Variants in CCDC178 observed in about 807,000 individuals in gnomAD.
CCDC178 encodes the protein coiled-coil domain-containing protein 178.
Under a neutral mutation model 117.4 loss-of-function variants are expected in CCDC178, and 126 were observed. The ratio of observed to expected loss-of-function variants is 1.07; its 90% CI spans 0.93 to 1.24. The LOEUF is 1.24. CCDC178 is among the 50% of genes most tolerant of loss of function. CCDC178 has a pLI of 0.00. For synonymous variants in CCDC178, 283 were observed against 313.4 expected (o/e 0.90, Z 1.02); for missense variants, 1,030 against 986.9 (o/e 1.04, Z -0.59).
intron 2 of CCDC178, among the ~76,000 whole-genome samples, chr18:33,437,170 TAA>T (rs1380174047): frequency 6.6e-6 from 1 of 152,204 alleles, no homozygotes; most frequent in East Asian, 1.9e-4. Flanking sequence ...GTCGCAAGTG[TAA>T]TTTTTAGACT....
intron 20 of CCDC178, among the ~76,000 whole-genome samples, chr18:33,164,514 G>A (rs1256133778): frequency 6.6e-6 from 1 of 151,462 alleles, no homozygotes; most frequent in Non-Finnish European, 1.5e-5. Flanking sequence ...AATGAAAACT[G>A]AGAAATTAGA....
At chr18:33,048,203 C>T (rs1376550836) in intron 21 of CCDC178, among the ~76,000 whole-genome samples, 1 of 152,152 alleles carries the variant, frequency 6.6e-6, no homozygotes, top group Non-Finnish European at 1.5e-5. Flanking sequence ...AGCATGCCCC[C>T]ACTACACCTA....
At chr18:33,353,078 T>G (rs1384467673) in intron 7 of CCDC178, among the ~76,000 whole-genome samples, 3 of 152,116 alleles carry the variant, frequency 2.0e-5, no homozygotes, top group African/African-American at 7.2e-5. Flanking sequence ...ATGTCTGTTT[T>G]GAGGTTATAT....
chr18:33,347,151 A>G (rs72948890), intron 8 of CCDC178, among the ~76,000 whole-genome samples: 3,533 of 152,288 alleles, frequency 0.023, 54 homozygotes, highest in Admixed American at 0.036. Context: ...TCCTTGTAGG[A>G]CTGATGCCTA....
At chr18:33,033,972 A>C (rs894587594) in intron 21 of CCDC178, among the ~76,000 whole-genome samples, 1 of 151,846 alleles carries the variant, frequency 6.6e-6, no homozygotes, top group Non-Finnish European at 1.5e-5. Flanking sequence ...CATGTATACA[A>C]AGACTAGAAA....
At chr18:33,156,641 CAA>C (rs35712594) in intron 20 of CCDC178, among the ~76,000 whole-genome samples, 350 of 99,234 alleles carry the variant, frequency 3.5e-3, no homozygotes, top group African/African-American at 4.3e-3. Flanking sequence ...TCCTCCCTCT[CAA>C]AAAAAAAAAA....
intron 15 of CCDC178, among the ~76,000 whole-genome samples, chr18:33,234,054 T>C (rs980390813): frequency 5.3e-5 from 8 of 152,160 alleles, no homozygotes; most frequent in Non-Finnish European, 1.0e-4. Flanking sequence ...TATAGCAAGC[T>C]AAATAAAGTT....
chr18:33,077,518 T>C (rs1017775686), intron 21 of CCDC178, among the ~76,000 whole-genome samples: 1 of 151,856 alleles, frequency 6.6e-6, no homozygotes, highest in Non-Finnish European at 1.5e-5. Context: ...AATAATAATA[T>C]AGATAGGCCA....
chr18:32,998,197 G>A (rs763918799), intron 21 of CCDC178, among the ~76,000 whole-genome samples: 32 of 152,180 alleles, frequency 2.1e-4, no homozygotes, highest in Admixed American at 1.4e-3. Context: ...GGGACTTTGC[G>A]TTGGAAGTCA....
chr18:33,353,718 A>T (rs964933896), intron 7 of CCDC178, among the ~76,000 whole-genome samples: 2 of 152,096 alleles, frequency 1.3e-5, no homozygotes, highest in African/African-American at 2.4e-5. Context: ...TGTCAATTTC[A>T]CAAATTACAT....
At chr18:32,940,320 C>T (rs564538351) in intron 22 of CCDC178, among the ~76,000 whole-genome samples, 2 of 152,028 alleles carry the variant, frequency 1.3e-5, no homozygotes, top group African/African-American at 4.8e-5. Flanking sequence ...TAAAATATAT[C>T]TTTCATTAAC....
chr18:33,266,125 G>C (rs1444834532), intron 14 of CCDC178, among the ~76,000 whole-genome samples: 3 of 152,132 alleles, frequency 2.0e-5, no homozygotes, highest in African/African-American at 7.2e-5. Flanking sequence ...TGCAGGCTTA[G>C]TTACCTGTGG....
At chr18:32,964,166 T>G (rs1477364606) in intron 22 of CCDC178, among the ~76,000 whole-genome samples, 1 of 152,070 alleles carries the variant, frequency 6.6e-6, no homozygotes, top group African/African-American at 2.4e-5. Context: ...AAAAGGCACT[T>G]ATTCATTAGC....
intron 21 of CCDC178, among the ~76,000 whole-genome samples, chr18:32,993,562 T>C (rs2055438613): frequency 6.6e-6 from 1 of 152,218 alleles, no homozygotes; most frequent in South Asian, 2.1e-4. Flanking sequence ...AATTCTTTCC[T>C]GGGCAAAGCC....
At chr18:33,299,773 G>A (rs549832488) in intron 11 of CCDC178, among the ~76,000 whole-genome samples, 109 of 141,258 alleles carry the variant, frequency 7.7e-4, no homozygotes, top group Non-Finnish European at 8.5e-4. Context: ...CATCTCAACA[G>A]AAAAAAAAAA....
chr18:33,129,751 T>G (rs1369867711), intron 20 of CCDC178, among the ~76,000 whole-genome samples: 2 of 152,022 alleles, frequency 1.3e-5, no homozygotes, highest in Non-Finnish European at 2.9e-5. Context: ...ATAATGCATT[T>G]TCTTATGGGT....
chr18:33,333,490 T>C, intron 9 of CCDC178, 96 bp from the exon 10 acceptor site: 1 of 554,694 alleles, frequency 1.8e-6, no homozygotes, highest in Non-Finnish European at 2.9e-6. Flanking sequence ...AAATTCCTTA[T>C]TTGTGAATCT....
chr18:32,942,524 T>TA (rs888886488), intron 22 of CCDC178, among the ~76,000 whole-genome samples: 39 of 149,814 alleles, frequency 2.6e-4, no homozygotes, highest in Non-Finnish European at 4.8e-4. Flanking sequence ...GAGAGTTTTC[T>TA]AAAAAAAAAA....
intron 21 of CCDC178, among the ~76,000 whole-genome samples, chr18:33,033,275 G>A (rs2056380626): frequency 1.3e-5 from 2 of 152,070 alleles, no homozygotes; most frequent in African/African-American, 2.4e-5. Context: ...AGTTCAGGAA[G>A]TATCTTTTAA....
Sources: gnomAD v4.1 joint callset for allele counts (sites outside exome capture counted in the v4.1 genomes callset) on GRCh38, gnomAD v4.1.1 for gene constraint, MANE v1.5 for transcripts, NCBI Gene and HGNC (gene_info 2026-07-23, HGNC 2026-07-21) for gene names.